Variants in PKD1 observed in about 807,000 individuals in gnomAD.
PKD1 encodes the protein polycystin 1, transient receptor potential channel interacting.
PKD1 carries 81 observed loss-of-function variants against 361.7 expected under a neutral mutation model. The observed-to-expected ratio is 0.22, with a 90% CI of 0.19 to 0.27. The LOEUF is 0.27. Among genes scored for constraint, PKD1 ranks in the 10% least tolerant of loss-of-function variants. The probability of loss-of-function intolerance (pLI) is 1.00; values close to 1 mark genes in which losing one functional copy is unlikely to be tolerated. For missense variants in PKD1, 6,399 were observed against 6,118.3 expected, an observed-to-expected ratio of 1.05 and a Z score of -1.53; for synonymous variants, 3,615 against 2,818.3, an observed-to-expected ratio of 1.28 and a Z score of -8.95.
At chr16:2,116,310 G>A (rs1334308227) in intron 8 of PKD1, 192 bp from the exon 9 acceptor site, 4 of 690,452 alleles carry the variant, frequency 5.8e-6, no homozygotes, top group African/African-American at 3.5e-5. Context: ...CCCCTGACCT[G>A]CCTTTCAGGA....
At position 2,135,587 on chromosome 16, in the gene PKD1, G is replaced by A. The variant is rs1016742393; in HGVS notation, c.103C>T (p.Pro35Ser). The change falls in exon 1 of 46, where the codon CCC (proline) becomes TCC (serine). Residue 35 changes from proline to serine, a missense_variant. Pro to Ser is a moderately conservative substitution (Grantham distance 74, BLOSUM62 -1). Transcript: ENST00000262304. Reference protein sequence around the residue: ...GPGRGCGPCEPPCLCGPAPGA... With the variant: ...GPGRGCGPCESPCLCGPAPGA... ...GGCGCTGGGCCGCAGAGGCAGGGGG[G>A]CTCGCAGGGCCCGCAGCCGCGCCCG... 6.6e-6 allele frequency: 7 copies of A among 1,052,902 alleles called. No individual in the cohort carries two copies. The highest frequency in any genetic ancestry group is 7.1e-5 in the East Asian group (1 of 14,072). 65.2% of individuals were successfully genotyped at this position (1,052,902 alleles called of 1,614,324 possible). A position where few individuals can be genotyped will look rare whatever the true frequency, so the allele number is the denominator to read the frequency against.
At chr16:2,092,638 C>T in intron 38 of PKD1, 46 bp from the exon 39 acceptor site, 1 of 1,358,562 alleles carries the variant, frequency 7.4e-7, no homozygotes, top group South Asian at 1.2e-5. Context: ...TGCCCCATGC[C>T]CGCCTCGAGT....
chr16:2,126,825 G>A (rs2092805758), intron 1 of PKD1, among the ~76,000 whole-genome samples: 1 of 152,266 alleles, frequency 6.6e-6, no homozygotes, highest in African/African-American at 2.4e-5. Context: ...CGAGCAGGGG[G>A]AGAGGCACCC....
At chr16:2,094,648 A>T (rs986610654) in intron 34 of PKD1, 95 of 248,486 alleles carry the variant, frequency 3.8e-4, no homozygotes, top group African/African-American at 2.0e-3. Flanking sequence ...TGGACAAGGA[A>T]ACATATGAAT....
At position 2,088,797 on chromosome 16, in the gene PKD1, A is replaced by C. The variant is rs1162196107; in HGVS notation, c.*930T>G. 1 of 789,510 alleles carries C rather than the reference A, an allele frequency of 1.3e-6. No individual in the cohort carries two copies. Among genetic ancestry groups the C allele is most frequent in the South Asian group, 1.8e-5 (1 of 55,204 alleles). The allele number at this position is 789,510 out of a possible 1,614,324, so 48.9% of individuals were successfully genotyped here. A position where few individuals can be genotyped will look rare whatever the true frequency, so the allele number is the denominator to read the frequency against. Reference sequence around the variant, plus strand: ...GCTCTAGAAGCGGCCATGCCCACAGAAGTGGTACACAGAAGCAGGCACAGC... The same window carrying C: ...GCTCTAGAAGCGGCCATGCCCACAGCAGTGGTACACAGAAGCAGGCACAGC... On this transcript the variant is annotated 3_prime_UTR_variant, in exon 46 of 46. Transcript: ENST00000262304.
Position 2,089,847 on chromosome 16 carries a change from C to A in PKD1, c.12792G>T (p.Pro4264=). Residue 4264 remains proline, a synonymous_variant, in exon 46 of 46, where the codon CCG becomes CCT. Coordinates refer to ENST00000262304, the MANE Select transcript of PKD1 (RefSeq NM_001009944.3). ...GGCTGGGCAGTGCTGGCCGCAGGCC[C>A]GGGGATGGGCCACGGGAAGATCCGG... ...APAGSSRGPS[P]GLRPALPSRL... 3 of 1,606,694 alleles carry A rather than the reference C, an allele frequency of 1.9e-6. No individual in the cohort carries two copies. The highest frequency in any genetic ancestry group is 2.5e-6 in the Non-Finnish European group (3 of 1,177,436).
rs759451607 is a variant in PKD1, at chr16:2,103,426, G to A, written c.8631C>T (p.Pro2877=). ...CCCGGGCAGCCCAGTCCGAGTTGTTGGGCACCTTCACGGTGATGGCGCGCT... is the reference window on the plus strand; with the variant it reads ...CCCGGGCAGCCCAGTCCGAGTTGTTAGGCACCTTCACGGTGATGGCGCGCT... ...ASERAITVKV[P]NNSDWAARGH... The change falls in exon 23 of 46, where the codon CCC becomes CCT. Residue 2877 remains proline, a synonymous_variant. Transcript: ENST00000262304. 28 of 1,599,292 alleles carry A rather than the reference G, an allele frequency of 1.8e-5. No individual in the cohort carries two copies. In the East Asian group the frequency reaches 5.8e-4, roughly 33 times the overall value.
Position 2,108,260 on chromosome 16 carries a change from A to C in PKD1, c.6907T>G (p.Ser2303Ala). 5.6e-6 allele frequency: 9 copies of C among 1,599,196 alleles called. No homozygotes were observed. Among genetic ancestry groups the C allele is most frequent in the Non-Finnish European group, 7.7e-6 (9 of 1,171,356 alleles). The change falls in exon 15 of 46, where the codon TCG becomes GCG. Residue 2303 changes from serine (S) to alanine (A), a missense_variant. Physicochemically the swap from Ser to Ala is moderately conservative, Grantham distance 99. Coordinates refer to ENST00000262304, the MANE Select transcript of PKD1 (RefSeq NM_001009944.3). ...CCCTGCCACGCACTGACCTGTGTCG[A>C]AGCCACACAGGCCCAGTGGAAACTG... ...PLSFHWACVA[S>A]TQREAGGCAL...
Position 2,109,024 on chromosome 16 carries a change from C to A in PKD1, c.6143G>T (p.Ser2048Ile). ...CTCCAGCACCAGCGTGCGGTTCTCA[C>A]TGCCCAGGGCGTTGAAGGCGCGCAC... ...IQVRAFNALG[S>I]ENRTLVLEVQ... The change falls in exon 15 of 46, where the codon AGT becomes ATT. Residue 2048 changes from serine to isoleucine, a missense_variant. Transcript: ENST00000262304. The A allele has an allele frequency of 6.2e-7, 1 of 1,609,584 alleles. No individual in the cohort carries two copies. The highest frequency in any genetic ancestry group is 8.5e-7 in the Non-Finnish European group (1 of 1,178,244).
In PKD1 at chr16:2,108,437, T is replaced by C; in HGVS notation, c.6730A>G (p.Ser2244Gly). The change falls in exon 15 of 46, where the codon AGC (serine) becomes GGC (glycine). Residue 2244 changes from serine (S) to glycine (G), a missense_variant. Coordinates refer to ENST00000262304, the MANE Select transcript of PKD1 (RefSeq NM_001009944.3). ...GCCACCGTCACATTGGCCTGGATGC[T>C]CTGTGTCAGTGGCGTGTCCCCAAAT... is the stretch of plus-strand genomic sequence containing the variant. ...VSFGDTPLTQ[S>G]IQANVTVAPE... is the part of the protein sequence containing the mutation. 6.2e-7 allele frequency: 1 copy of C among 1,610,538 alleles called. No homozygotes were observed. The highest frequency in any genetic ancestry group is 8.5e-7 in the Non-Finnish European group (1 of 1,179,728).
Position 2,124,903 on chromosome 16 carries a change from G to A in PKD1, c.216-5525C>T, listed in dbSNP as rs560909678. On this transcript the variant is annotated intron_variant, in intron 1 of 45. Coordinates refer to ENST00000262304, the MANE Select transcript of PKD1 (RefSeq NM_001009944.3). The stretch of plus-strand genomic sequence containing the variant: ...CAGGGAGGCCCCATGCCCCCTGCCA[G>A]GCCCCGTCCTCTCCTGGAGGAGCTG... 2.1e-4 allele frequency among the ~76,000 whole-genome samples: 32 copies of A among 152,332 alleles called. No individual in the cohort carries two copies. In the South Asian group the frequency reaches 6.4e-3, roughly 31 times the overall value.
chr16:2,094,755 G>A (rs73498130), intron 34 of PKD1: 4,440 of 165,708 alleles, frequency 0.027, 231 homozygotes, highest in African/African-American at 0.1. Context: ...CCACTGCATC[G>A]GGCCACCATG....
chr16:2,109,237 G>C lies in PKD1; in HGVS notation c.5930C>G (p.Pro1977Arg). The change falls in exon 15 of 46, where the codon CCC becomes CGC. Residue 1977 changes from proline (P) to arginine (R), a missense_variant. Coordinates refer to ENST00000262304, the MANE Select transcript of PKD1 (RefSeq NM_001009944.3). ...GGCGATGCCAGGCTCGCAGCAGTTG[G>C]GCACCTGCAGCCCACTCACGGCCTC... is the stretch of plus-strand genomic sequence containing the variant. ...VLEAVSGLQV[P>R]NCCEPGIATG... 6.3e-7 allele frequency: 1 copy of C among 1,589,616 alleles called. No homozygotes were observed. The highest frequency in any genetic ancestry group is 8.6e-7 in the Non-Finnish European group (1 of 1,167,580).
At chr16:2,094,804 C>G (rs1396172475) in intron 34 of PKD1, 6 of 155,946 alleles carry the variant, frequency 3.8e-5, no homozygotes, top group Admixed American at 1.9e-4. Context: ...AGAAGAGGTA[C>G]AGAGGCAGCG....
chr16:2,092,807 C>T (rs2091658345), intron 38 of PKD1, 147 bp downstream of exon 38: 3 of 1,007,132 alleles, frequency 3.0e-6, no homozygotes, highest in Non-Finnish European at 4.7e-6. Flanking sequence ...GTGTCCCTCC[C>T]CTCTGCCTAC....
chr16:2,120,050 A>G (rs2092695848), intron 1 of PKD1: 1 of 587,928 alleles, frequency 1.7e-6, no homozygotes, highest in Non-Finnish European at 3.0e-6. Context: ...CGTATCTACA[A>G]AAAATACACA....
Position 2,105,823 on chromosome 16 carries a change from C to T in PKD1, c.7863+42G>A, listed in dbSNP as rs758545236. 59 of 1,577,594 alleles carry T rather than the reference C, an allele frequency of 3.7e-5. 1 individual carries two copies. The highest frequency in any genetic ancestry group is 2.7e-4 in the Admixed American group (16 of 59,956). Reference sequence around the variant, plus strand: ...GGGGTACAGGTCTTGGTCCCAAGCACGCATGCAGCAGATGTGACGTCCCCT... The same window carrying T: ...GGGGTACAGGTCTTGGTCCCAAGCATGCATGCAGCAGATGTGACGTCCCCT... On this transcript the variant is annotated intron_variant, in intron 20 of 45. Coordinates refer to ENST00000262304, the MANE Select transcript of PKD1 (RefSeq NM_001009944.3).
In PKD1 at chr16:2,091,120, G is replaced by A. The variant is rs569334078; in HGVS notation, c.11767C>T (p.His3923Tyr). 1.1e-5 allele frequency: 16 copies of A among 1,490,624 alleles called. No homozygotes were observed. In the East Asian group the frequency reaches 1.4e-4, roughly 13 times the overall value. The allele number at this position is 1,490,624 out of a possible 1,614,324, so 92.3% of individuals were successfully genotyped here. A position where few individuals can be genotyped will look rare whatever the true frequency, so the allele number is the denominator to read the frequency against. Residue 3923 changes from histidine to tyrosine, a missense_variant, in exon 43 of 46, where the codon CAC becomes TAC. Transcript: ENST00000262304. Reference protein sequence around the residue: ...HFAVAEARTWHREGRWRVLRL... With the variant: ...HFAVAEARTWYREGRWRVLRL... ...AGCACGCGCCAGCGCCCTTCCCTGT[G>A]CCAAGTACGGGCCTCGGCCACGGCG...
chr16:2,118,096 G>C lies in PKD1; in HGVS notation c.896C>G (p.Pro299Arg), dbSNP rs995494595. 1.2e-6 allele frequency: 2 copies of C among 1,606,846 alleles called. No individual in the cohort carries two copies. The highest frequency in any genetic ancestry group is 2.2e-5 in the South Asian group (2 of 90,816). Residue 299 changes from proline (P) to arginine (R), a missense_variant, in exon 5 of 46, where the codon CCT (proline) becomes CGT (arginine). Physicochemically the swap from Pro to Arg is moderately radical, Grantham distance 103. Transcript: ENST00000262304. This position sits in a 1 kb window ranked among gnomAD's most constrained non-coding sequence, Gnocchi z 6.0. Reference sequence around the variant, plus strand: ...GAAGTCCCAGCGTGTGGCAGTGACAGGGAGCGGGGCAGCGATGTGGAAGGC... The same window carrying C: ...GAAGTCCCAGCGTGTGGCAGTGACACGGAGCGGGGCAGCGATGTGGAAGGC... ...LAAFHIAAPL[P>R]VTATRWDFGD...
Sources: allele counts gnomAD v4.1 joint callset (sites outside exome capture counted in the v4.1 genomes callset), GRCh38; gene constraint gnomAD v4.1.1; non-coding constraint Gnocchi (gnomAD v3.1); transcripts MANE v1.5; gene names NCBI Gene and HGNC (gene_info 2026-07-23, HGNC 2026-07-21).